Variants in PTPRD observed in about 807,000 individuals in gnomAD.
The protein encoded by PTPRD is protein tyrosine phosphatase receptor type D.
PTPRD carries 34 observed loss-of-function variants against 214.5 expected under a neutral mutation model. The ratio of observed to expected loss-of-function variants is 0.16; its 90% CI spans 0.12 to 0.21. The LOEUF (loss-of-function observed/expected upper bound fraction) is 0.21. Among genes scored for constraint, PTPRD ranks in the 10% least tolerant of loss-of-function variants. PTPRD has a pLI of 1.00. For missense variants in PTPRD, 2,545 were observed against 2,398.7 expected (o/e 1.06, Z -1.27); for synonymous variants, 1,128 against 845.7 (o/e 1.33, Z -5.79).
At chr9:10,528,209 A>G (rs955848785) in intron 2 of PTPRD, among the ~76,000 whole-genome samples, 3 of 152,120 alleles carry the variant, frequency 2.0e-5, no homozygotes, top group Admixed American at 6.6e-5. Context: ...CCACAGAAAG[A>G]AGGAGTTAAA....
At chr9:10,157,448 G>C (rs561136740) in intron 3 of PTPRD, among the ~76,000 whole-genome samples, 1 of 152,248 alleles carries the variant, frequency 6.6e-6, no homozygotes, top group South Asian at 2.1e-4. Context: ...TAAGAATGTT[G>C]AATATTGGCC....
At chr9:8,373,916 A>AT (rs751337551) in intron 39 of PTPRD, among the ~76,000 whole-genome samples, 12 of 114,438 alleles carry the variant, frequency 1.0e-4, no homozygotes, top group East Asian at 4.6e-4. Flanking sequence ...CTATCTATCT[A>AT]CCTACCTACC....
At chr9:9,973,301 CAAAAAAA>C (rs747369676) in intron 4 of PTPRD, among the ~76,000 whole-genome samples, 91 of 74,210 alleles carry the variant, frequency 1.2e-3, no homozygotes, top group Non-Finnish European at 7.8e-4. Context: ...CCTTGTCTTT[CAAAAAAA>C]AAAAAAAAAA....
intron 12 of PTPRD, among the ~76,000 whole-genome samples, chr9:8,691,009 G>C (rs1686986027): frequency 6.6e-6 from 1 of 152,048 alleles, no homozygotes; most frequent in African/African-American, 2.4e-5. Context: ...AAGCCTCTGA[G>C]AACATGTGAA....
intron 7 of PTPRD, among the ~76,000 whole-genome samples, chr9:9,680,481 T>C (rs576336963): frequency 2.0e-5 from 3 of 152,014 alleles, no homozygotes; most frequent in Non-Finnish European, 4.4e-5. Context: ...TCTTTTATCA[T>C]AATTTGATGA....
At chr9:8,755,851 A>C (rs528009385) in intron 11 of PTPRD, among the ~76,000 whole-genome samples, 1 of 152,332 alleles carries the variant, frequency 6.6e-6, no homozygotes, top group South Asian at 2.1e-4. Flanking sequence ...TGACCAGCCC[A>C]AAGCACTGAG....
rs2137494827 is a variant in PTPRD at position 8,507,313 on chromosome 9, C to T, written c.1665G>A (p.Glu555=). 6.2e-7 allele frequency: 1 copy of T among 1,613,870 alleles called. No individual in the cohort carries two copies. Among genetic ancestry groups the T allele is most frequent in the Non-Finnish European group, 8.5e-7 (1 of 1,179,796 alleles). ...ANYELVYKDG[E]HGEEQRITIE... ...ACTATAGTCTTACCTCCTCTCCATGCTCCCCATCTTTGTAGACCAGTTCAT... is the reference window on the plus strand; with the variant it reads ...ACTATAGTCTTACCTCCTCTCCATGTTCCCCATCTTTGTAGACCAGTTCAT... The change falls in exon 22 of 46, where the codon GAG becomes GAA. Residue 555 remains glutamate (E), a synonymous_variant. Transcript: ENST00000381196.
chr9:10,439,062 C>T, intron 2 of PTPRD, among the ~76,000 whole-genome samples: 1 of 151,788 alleles, frequency 6.6e-6, no homozygotes, highest in East Asian at 1.9e-4. Flanking sequence ...CTGAAAAGTG[C>T]TTGTCCGTTG....
intron 10 of PTPRD, among the ~76,000 whole-genome samples, chr9:9,039,792 G>A (rs1211552300): frequency 6.6e-6 from 1 of 152,156 alleles, no homozygotes; most frequent in East Asian, 1.9e-4. Flanking sequence ...ACAGTAATAA[G>A]CCAATATATT....
At chr9:9,960,188 A>G (rs1179669416) in intron 4 of PTPRD, among the ~76,000 whole-genome samples, 4 of 151,386 alleles carry the variant, frequency 2.6e-5, no homozygotes, top group Non-Finnish European at 5.9e-5. Flanking sequence ...TTAAAAATGA[A>G]AAAAGGAGTA....
At chr9:9,158,921 A>C (rs1442040349) in intron 10 of PTPRD, among the ~76,000 whole-genome samples, 1 of 152,232 alleles carries the variant, frequency 6.6e-6, no homozygotes, top group Non-Finnish European at 1.5e-5. Flanking sequence ...AAATCAATAA[A>C]TCTGATACAC....
intron 8 of PTPRD, among the ~76,000 whole-genome samples, chr9:9,551,577 C>T (rs1244614518): frequency 1.3e-5 from 2 of 151,954 alleles, no homozygotes; most frequent in Non-Finnish European, 2.9e-5. Flanking sequence ...TTCCAGAGTA[C>T]AGGCTGAAGA....
chr9:9,827,880 G>A (rs1049222955), intron 5 of PTPRD, among the ~76,000 whole-genome samples: 1 of 152,158 alleles, frequency 6.6e-6, no homozygotes, highest in African/African-American at 2.4e-5. Context: ...AGACAATTAT[G>A]CAGCCAAAAG....
Position 9,128,465 on chromosome 9 carries a change from A to T in PTPRD, c.-143+54839T>A, listed in dbSNP as rs951940109. Among the ~76,000 whole-genome samples the T allele has an allele frequency of 4.6e-5, 7 of 152,350 alleles. No homozygotes were observed. In the East Asian group the frequency reaches 1.3e-3, roughly 29 times the overall value. On this transcript the variant is annotated intron_variant, in intron 10 of 45. Coordinates refer to ENST00000381196, the MANE Select transcript of PTPRD (RefSeq NM_002839.4). Reference sequence around the variant, plus strand: ...TACTATACAAAACATATATTCAATTATACACGTATGCATAATAACATCATG... The same window carrying T: ...TACTATACAAAACATATATTCAATTTTACACGTATGCATAATAACATCATG...
intron 3 of PTPRD, among the ~76,000 whole-genome samples, chr9:10,080,743 G>C (rs1438895861): frequency 6.6e-6 from 1 of 151,984 alleles, no homozygotes; most frequent in Non-Finnish European, 1.5e-5. Context: ...CTACTCCTTA[G>C]CTAGGGAGGC....
intron 10 of PTPRD, among the ~76,000 whole-genome samples, chr9:9,057,976 T>G (rs566736215): frequency 2.0e-5 from 3 of 152,330 alleles, no homozygotes; most frequent in Admixed American, 6.5e-5. Flanking sequence ...TCACACCTTC[T>G]TTTGTTATAG....
At chr9:9,118,044 G>A (rs907245463) in intron 10 of PTPRD, among the ~76,000 whole-genome samples, 11 of 152,176 alleles carry the variant, frequency 7.2e-5, no homozygotes, top group Non-Finnish European at 1.5e-4. Flanking sequence ...CACAACTGAA[G>A]CATAAACTCC....
intron 12 of PTPRD, among the ~76,000 whole-genome samples, chr9:8,705,173 G>C (rs2098177844): frequency 6.6e-6 from 1 of 152,158 alleles, no homozygotes; most frequent in African/African-American, 2.4e-5. Context: ...CAAGAAAAAT[G>C]TATTATTCCC....
chr9:9,934,871 A>T (rs2153945903), intron 5 of PTPRD, among the ~76,000 whole-genome samples: 1 of 152,270 alleles, frequency 6.6e-6, no homozygotes, highest in Non-Finnish European at 1.5e-5. Flanking sequence ...CAAAAAGCTT[A>T]TCAACCATGA....
Sources: gnomAD v4.1 joint callset for allele counts (sites outside exome capture counted in the v4.1 genomes callset) on GRCh38, gnomAD v4.1.1 for gene constraint, MANE v1.5 for transcripts, NCBI Gene and HGNC (gene_info 2026-07-23, HGNC 2026-07-21) for gene names.